Variants in NRG3 observed in about 807,000 individuals in gnomAD.
The protein encoded by NRG3 is neuregulin 3, also known as pro-neuregulin-3, membrane-bound isoform.
In NRG3, 31 loss-of-function variants were observed where a neutral mutation model predicts 66.9. The ratio of observed to expected loss-of-function variants is 0.46; its 90% CI spans 0.35 to 0.63. The LOEUF is 0.63. NRG3 is among the 20% of genes least tolerant of loss of function. The pLI, the probability that NRG3 is intolerant of heterozygous loss-of-function variation, is 0.00. For synonymous variants in NRG3, 393 were observed against 359.4 expected (o/e 1.09, Z -1.06); for missense variants, 910 against 878.9 (o/e 1.04, Z -0.45).
At chr10:81,953,762 A>G (rs1849580671) in intron 1 of NRG3, among the ~76,000 whole-genome samples, 1 of 152,226 alleles carries the variant, frequency 6.6e-6, no homozygotes, top group South Asian at 2.1e-4. Context: ...TGATGACTCC[A>G]GTCTCAAATT....
At chr10:82,158,147 A>T (rs973663245) in intron 1 of NRG3, among the ~76,000 whole-genome samples, 1 of 151,774 alleles carries the variant, frequency 6.6e-6, no homozygotes, top group Non-Finnish European at 1.5e-5. Flanking sequence ...CTTGATAAGG[A>T]AAATATGCAG....
rs145265700 is a variant in NRG3, at chr10:82,204,135, A to G, written c.824-154604A>G. ...GTACAGTGGTGTCTTTTATTTTGCA[A>G]TCTACCTCACTGTATAACCCACATA... On this transcript the variant is annotated intron_variant, in intron 1 of 8. Coordinates refer to ENST00000372141, the MANE Select transcript of NRG3 (RefSeq NM_001010848.4). Among the ~76,000 whole-genome samples the G allele has an allele frequency of 4.7e-3, 718 of 152,226 alleles. 5 individuals carry two copies. Among genetic ancestry groups the G allele is most frequent in the African/African-American group, 0.016 (676 of 41,536 alleles).
chr10:82,258,655 G>A (rs1241739409), intron 1 of NRG3, among the ~76,000 whole-genome samples: 2 of 152,156 alleles, frequency 1.3e-5, no homozygotes, highest in Non-Finnish European at 1.5e-5. Flanking sequence ...AAGACACATC[G>A]AGTGCCAGCA....
At chr10:82,698,672 C>G (rs941732829) in intron 2 of NRG3, among the ~76,000 whole-genome samples, 1 of 152,056 alleles carries the variant, frequency 6.6e-6, no homozygotes, top group Admixed American at 6.6e-5. Flanking sequence ...CTTACCAAAC[C>G]TTTTGGAGTC....
intron 5 of NRG3, among the ~76,000 whole-genome samples, chr10:82,956,666 C>T (rs1850079236): frequency 6.6e-6 from 1 of 151,906 alleles, no homozygotes; most frequent in South Asian, 2.1e-4. Context: ...CTAATTTAAT[C>T]CCATGAGAGT....
intron 2 of NRG3, among the ~76,000 whole-genome samples, chr10:82,527,912 G>T (rs1846875117): frequency 1.4e-5 from 2 of 140,506 alleles, no homozygotes; most frequent in South Asian, 5.0e-4. Flanking sequence ...TTGACATTTG[G>T]ACTAGATAAT....
intron 2 of NRG3, among the ~76,000 whole-genome samples, chr10:82,682,533 G>A (rs2054184178): frequency 6.6e-6 from 1 of 152,138 alleles, no homozygotes; most frequent in Admixed American, 6.5e-5. Flanking sequence ...GTAAATAATA[G>A]TGCTTGCTCT....
chr10:82,307,069 C>T (rs574437421), intron 1 of NRG3, among the ~76,000 whole-genome samples: 1 of 152,026 alleles, frequency 6.6e-6, no homozygotes, highest in South Asian at 2.1e-4. Flanking sequence ...GAAGAATACT[C>T]TGTGCATTTT....
At chr10:82,020,543 AT>A (rs1290205378) in intron 1 of NRG3, among the ~76,000 whole-genome samples, 2 of 152,102 alleles carry the variant, frequency 1.3e-5, no homozygotes, top group Non-Finnish European at 2.9e-5. Flanking sequence ...TCTCAATAAA[AT>A]TTACGTAAAA....
chr10:82,161,942 G>A (rs950141521), intron 1 of NRG3, among the ~76,000 whole-genome samples: 17 of 152,090 alleles, frequency 1.1e-4, no homozygotes, highest in African/African-American at 3.4e-4. Context: ...AATATATTCA[G>A]TGGCTTGATA....
chr10:82,120,567 C>A (rs1277983730), intron 1 of NRG3, among the ~76,000 whole-genome samples: 1 of 151,988 alleles, frequency 6.6e-6, no homozygotes, highest in Admixed American at 6.6e-5. Context: ...TCACATAAGT[C>A]AAGTTAGATA....
intron 6 of NRG3, among the ~76,000 whole-genome samples, chr10:82,962,362 C>T (rs548245713): frequency 7.9e-5 from 12 of 152,010 alleles, no homozygotes; most frequent in East Asian, 1.9e-4. Context: ...AGAGATCATC[C>T]GTTCTTCTCT....
rs183597908 is a variant in NRG3, at chr10:82,430,552, C to T, written c.953+71684C>T. On this transcript the variant is annotated intron_variant, in intron 2 of 8. Coordinates refer to ENST00000372141, the MANE Select transcript of NRG3 (RefSeq NM_001010848.4). ...GATTACAAGTGTGAGCCACCACGCC[C>T]GACCATTGACTACCAATTTTTAACT... 5.2e-3 allele frequency among the ~76,000 whole-genome samples: 794 copies of T among 152,244 alleles called. 8 individuals are homozygous for T. The highest frequency in any genetic ancestry group is 0.018 in the African/African-American group (737 of 41,556).
chr10:82,317,039 G>A (rs2081332655), intron 1 of NRG3, among the ~76,000 whole-genome samples: 1 of 152,046 alleles, frequency 6.6e-6, no homozygotes, highest in South Asian at 2.1e-4. Context: ...TGTCATTGTT[G>A]CCAGCTCCCA....
chr10:82,652,502 A>T (rs1382339591), intron 2 of NRG3, among the ~76,000 whole-genome samples: 2 of 152,136 alleles, frequency 1.3e-5, no homozygotes, highest in African/African-American at 4.8e-5. Flanking sequence ...TTAGGCCCTC[A>T]AGGTTTCCCT....
chr10:82,947,185 G>A (rs1849105110), intron 4 of NRG3, among the ~76,000 whole-genome samples: 1 of 152,020 alleles, frequency 6.6e-6, no homozygotes, highest in Non-Finnish European at 1.5e-5. Context: ...CTAGAATTTT[G>A]AATAAGTGGA....
intron 1 of NRG3, among the ~76,000 whole-genome samples, chr10:82,159,302 A>G (rs1488202320): frequency 6.6e-6 from 1 of 151,844 alleles, no homozygotes; most frequent in African/African-American, 2.4e-5. Context: ...CAACCTCCTG[A>G]CCACTCCAAC....
At chr10:81,961,434 C>A (rs546283946) in intron 1 of NRG3, among the ~76,000 whole-genome samples, 1 of 151,884 alleles carries the variant, frequency 6.6e-6, no homozygotes, top group Non-Finnish European at 1.5e-5. Context: ...CCCAAGACAC[C>A]GTGACCAGGC....
intron 2 of NRG3, among the ~76,000 whole-genome samples, chr10:82,711,037 G>T (rs2134393419): frequency 6.6e-6 from 1 of 152,172 alleles, no homozygotes; most frequent in African/African-American, 2.4e-5. Flanking sequence ...CTCCCAAGTT[G>T]GTGGGATTAC....
Sources: gnomAD v4.1 joint callset for allele counts (sites outside exome capture counted in the v4.1 genomes callset) on GRCh38, gnomAD v4.1.1 for gene constraint, MANE v1.5 for transcripts, NCBI Gene and HGNC (gene_info 2026-07-23, HGNC 2026-07-21) for gene names.